BLTP1: variants seen among roughly 807,000 people sequenced by gnomAD.
BLTP1 encodes the protein fragile site-associated protein.
the BLTP1 span, among the ~76,000 whole-genome samples, chr4:122,354,935 G>A: frequency 6.6e-6 from 1 of 152,060 alleles, no homozygotes. Flanking sequence ...AAAGTGCTGG[G>A]ATTACAGGCA....
the BLTP1 span, chr4:122,336,969 A>T: frequency 6.2e-7 from 1 of 1,612,228 alleles, no homozygotes; most frequent in Non-Finnish European, 8.5e-7. Flanking sequence ...CGTCTTCAAC[A>T]TCTGCTTACT....
the BLTP1 span, chr4:122,256,079 G>T: frequency 2.0e-6 from 2 of 983,424 alleles, no homozygotes; most frequent in Non-Finnish European, 2.4e-6. Context: ...ATAACATCAT[G>T]ATTAGAGTTT....
the BLTP1 span, chr4:122,230,171 C>G: frequency 6.2e-7 from 1 of 1,613,942 alleles, no homozygotes; most frequent in East Asian, 2.2e-5. Flanking sequence ...ACATGAGGCA[C>G]AAAGACATTT....
chr4:122,346,708 A>G, the BLTP1 span: 6 of 1,613,262 alleles, frequency 3.7e-6, no homozygotes, highest in African/African-American at 6.7e-5. Flanking sequence ...CATGGTATAG[A>G]AGAAGTATTG....
At chr4:122,324,556 T>G in the BLTP1 span, 17 of 1,566,094 alleles carry the variant, frequency 1.1e-5, no homozygotes, top group Admixed American at 3.0e-4. Flanking sequence ...ATTTCAGCCA[T>G]TGAAACAAGT....
At chr4:122,226,634 C>A in the BLTP1 span, 1 of 1,584,792 alleles carries the variant, frequency 6.3e-7, no homozygotes. Context: ...TAACATTCTT[C>A]AGAAGCTTTT....
chr4:122,316,306 G>T, the BLTP1 span: 6 of 426,814 alleles, frequency 1.4e-5, no homozygotes, highest in Middle Eastern at 3.8e-4. Flanking sequence ...TTGTTCTTGG[G>T]AAGAAATTTT....
chr4:122,343,936 G>A, the BLTP1 span: 32 of 907,264 alleles, frequency 3.5e-5, no homozygotes, highest in South Asian at 3.0e-4. Context: ...AACAAACTGC[G>A]TAGAAAGTAA....
At chr4:122,178,334 G>A in the BLTP1 span, among the ~76,000 whole-genome samples, 2 of 152,114 alleles carry the variant, frequency 1.3e-5, no homozygotes, top group African/African-American at 2.4e-5. Context: ...CTGATTATTA[G>A]GCATACACTT....
the BLTP1 span, chr4:122,286,593 T>C: frequency 2.5e-6 from 4 of 1,613,984 alleles, no homozygotes; most frequent in Non-Finnish European, 3.4e-6. Flanking sequence ...TGCGTTTTAC[T>C]TCAAAAGTTT....
chr4:122,344,679 G>A, the BLTP1 span: 1 of 1,136,926 alleles, frequency 8.8e-7, no homozygotes, highest in Non-Finnish European at 1.2e-6. Flanking sequence ...GTGATAAGTT[G>A]ATATAAAGGA....
the BLTP1 span, chr4:122,347,548 A>G: frequency 9.4e-5 from 152 of 1,613,494 alleles, no homozygotes; most frequent in Admixed American, 2.5e-3. Flanking sequence ...ACCTGATTCC[A>G]TTGAAGGGGT....
At chr4:122,200,245 CA>C in the BLTP1 span, 1 of 985,180 alleles carries the variant, frequency 1.0e-6, no homozygotes, top group South Asian at 4.7e-5. Context: ...TGCTGTGTGA[CA>C]ATGCTCTTCC....
the BLTP1 span, among the ~76,000 whole-genome samples, chr4:122,233,548 A>G: frequency 1.3e-5 from 2 of 152,214 alleles, no homozygotes; most frequent in Non-Finnish European, 2.9e-5. Context: ...GTTTTAAGAT[A>G]TCTTTGCTGC....
the BLTP1 span, among the ~76,000 whole-genome samples, chr4:122,360,564 A>C: frequency 2.0e-5 from 3 of 152,236 alleles, no homozygotes; most frequent in African/African-American, 7.2e-5. Flanking sequence ...TTATTCAGAC[A>C]TATTTATGTC....
At chr4:122,246,723 C>T in the BLTP1 span, 1 of 1,612,570 alleles carries the variant, frequency 6.2e-7, no homozygotes, top group Non-Finnish European at 8.5e-7. Context: ...GAAGAATCTC[C>T]AACTACGGCT....
At chr4:122,323,092 T>G in the BLTP1 span, among the ~76,000 whole-genome samples, 5 of 152,088 alleles carry the variant, frequency 3.3e-5, no homozygotes, top group East Asian at 9.7e-4. Flanking sequence ...TTGTCTGCAC[T>G]GAACCTTCCA....
chr4:122,246,010 A>C, the BLTP1 span: 1 of 897,968 alleles, frequency 1.1e-6, no homozygotes, highest in Non-Finnish European at 1.5e-6. Context: ...GAAAGTTTGG[A>C]TTTTAAGGTG....
the BLTP1 span, chr4:122,211,232 C>A: frequency 1.4e-6 from 1 of 735,580 alleles, no homozygotes; most frequent in Non-Finnish European, 2.2e-6. Context: ...GTTGACTGGA[C>A]TTGGGGTGCT....
Sources: allele counts gnomAD v4.1 joint callset (sites outside exome capture counted in the v4.1 genomes callset), GRCh38; gene constraint gnomAD v4.1.1; transcripts MANE v1.5; gene names NCBI Gene and HGNC (gene_info 2026-07-23, HGNC 2026-07-21).